Variants in ABR observed in about 807,000 individuals in gnomAD.
ABR encodes ABR activator of RhoGEF and GTPase.
Under a neutral mutation model 107.2 loss-of-function variants are expected in ABR, and 35 were observed. That is an observed-to-expected ratio of 0.33 (90% CI 0.25 to 0.43). The LOEUF is 0.43. Among genes scored for constraint, ABR ranks in the 20% least tolerant of loss-of-function variants. The pLI is 1.00. For missense variants in ABR, 815 were observed against 1,115.2 expected (o/e 0.73, Z 3.83); for synonymous variants, 498 against 462.0 (o/e 1.08, Z -1.00).
intron 16 of ABR, among the ~76,000 whole-genome samples, chr17:1,030,413 A>C (rs117941687): frequency 0.017 from 2,643 of 152,212 alleles, 44 homozygotes; most frequent in Non-Finnish European, 0.028. Flanking sequence ...TGGGGAGGGG[A>C]TGAGTCCACG....
chr17:1,097,787 A>G lies in ABR; in HGVS notation c.345+2850T>C, dbSNP rs1052411426. Among the ~76,000 whole-genome samples the G allele has an allele frequency of 6.6e-5, 10 of 152,084 alleles. 1 individual carries two copies. Among genetic ancestry groups the G allele is most frequent in the African/African-American group, 2.4e-4 (10 of 41,414 alleles). On this transcript the variant is annotated intron_variant, in intron 3 of 22. Coordinates refer to ENST00000302538, the MANE Select transcript of ABR (RefSeq NM_021962.5). Reference sequence around the variant, plus strand: ...CTGTCTGAACTCCTTTCAAATACACACCCTGTTAGTAATGACAACTATGTT... The same window carrying G: ...CTGTCTGAACTCCTTTCAAATACACGCCCTGTTAGTAATGACAACTATGTT...
At position 1,009,774 on chromosome 17, in the gene ABR, G is replaced by T; in HGVS notation, c.2247C>A (p.Asp749Glu). Residue 749 changes from aspartate (D) to glutamate (E), a missense_variant, in exon 21 of 23, where the codon GAC becomes GAA. Asp to Glu is a conservative substitution (Grantham distance 45, BLOSUM62 2). Transcript: ENST00000302538. ...TCATGCAGTTTTCCTTGGCAGCAGG[G>T]TCTGACAGGGCTGTGGGAGAGAAGG... ...PAFMEGIALS[D>E]PAAKENCMMH... The T allele has an allele frequency of 6.2e-7, 1 of 1,613,950 alleles. No individual in the cohort carries two copies. The highest frequency in any genetic ancestry group is 1.1e-5 in the South Asian group (1 of 91,086).
At position 1,148,751 on chromosome 17, in the gene ABR, C is replaced by T. The variant is rs563015003; in HGVS notation, c.62-23384G>A. Among the ~76,000 whole-genome samples, 30 of 152,316 alleles carry T rather than the reference C, an allele frequency of 2.0e-4. No individual in the cohort carries two copies. Among genetic ancestry groups the T allele is most frequent in the African/African-American group, 6.3e-4 (26 of 41,562 alleles). The stretch of plus-strand genomic sequence containing the variant: ...CCCTGGTGCGCTGGTTTCACAGATG[C>T]GGAGTCTCAGTTTAGCCAGGTGAGA... On this transcript the variant is annotated intron_variant, in intron 1 of 22. Coordinates refer to ENST00000302538, the MANE Select transcript of ABR (RefSeq NM_021962.5). The surrounding 1 kb of genome is among the most constrained non-coding windows in gnomAD (Gnocchi z 4.9).
intron 1 of ABR, among the ~76,000 whole-genome samples, chr17:1,173,478 A>C (rs2041821563): frequency 2.0e-5 from 3 of 151,474 alleles, no homozygotes; most frequent in Non-Finnish European, 4.4e-5. Flanking sequence ...CAAAGGGCTC[A>C]AGCTCAGCCA....
chr17:1,083,806 C>T lies in ABR; in HGVS notation c.532-179G>A, dbSNP rs2036420780. 6 of 591,348 alleles carry T rather than the reference C, an allele frequency of 1.0e-5. No homozygotes were observed. The East Asian group carries it at 1.5e-4, about 15-fold the overall frequency. The allele number at this position is 591,348 out of a possible 1,614,324, so 36.6% of individuals were successfully genotyped here. On this transcript the variant is annotated intron_variant, in intron 4 of 22. Coordinates refer to ENST00000302538, the MANE Select transcript of ABR (RefSeq NM_021962.5). ...TATTACAGTGTCCCTTTGAACTGGACAGTTTCCATGGAAACCAGCTCAGCC... is the reference window on the plus strand; with the variant it reads ...TATTACAGTGTCCCTTTGAACTGGATAGTTTCCATGGAAACCAGCTCAGCC...
Position 1,005,867 on chromosome 17 carries a change from G to C in ABR, c.*213C>G. ...GACACAACTAGAGGTATGGAGGGCA[G>C]GAGGTGGGATGCGGTGGTGAGGCTG... On this transcript the variant is annotated 3_prime_UTR_variant, in exon 23 of 23. Coordinates refer to ENST00000302538, the MANE Select transcript of ABR (RefSeq NM_021962.5). 1.7e-6 allele frequency: 1 copy of C among 603,776 alleles called. No homozygotes were observed. The highest frequency in any genetic ancestry group is 3.0e-6 in the Non-Finnish European group (1 of 337,126). 37.4% of individuals were successfully genotyped at this position (603,776 alleles called of 1,614,324 possible).
chr17:1,219,896 T>G (rs1327855027), intron 1 of ABR, among the ~76,000 whole-genome samples: 2 of 151,778 alleles, frequency 1.3e-5, no homozygotes, highest in Non-Finnish European at 2.9e-5. Flanking sequence ...TTCTAAAAAT[T>G]CAACGTGACA....
chr17:1,191,028 G>A (rs565776348), upstream of ABR, among the ~76,000 whole-genome samples: 8 of 152,314 alleles, frequency 5.3e-5, no homozygotes, highest in South Asian at 4.1e-4. Flanking sequence ...TGCAGATTGC[G>A]CTGGGCCATG....
chr17:1,046,912 A>C (rs2031706456), intron 16 of ABR, among the ~76,000 whole-genome samples: 1 of 152,182 alleles, frequency 6.6e-6, no homozygotes, highest in African/African-American at 2.4e-5. Flanking sequence ...GGCCTCCAGG[A>C]GCACAAGTGC....
At chr17:1,171,752 A>C (rs1047248848) in intron 1 of ABR, among the ~76,000 whole-genome samples, 3 of 152,118 alleles carry the variant, frequency 2.0e-5, no homozygotes, top group African/African-American at 7.2e-5. Context: ...ATCAACATGG[A>C]GAAATCCCTT....
At chr17:1,012,590 G>C (rs1487083900) in intron 18 of ABR, 98 bp downstream of exon 18, 3 of 873,882 alleles carry the variant, frequency 3.4e-6, no homozygotes, top group Non-Finnish European at 5.6e-6. Context: ...AACTGATTAG[G>C]TGCCAGGATG....
intron 1 of ABR, among the ~76,000 whole-genome samples, chr17:1,192,720 C>T (rs2150696442): frequency 1.3e-5 from 2 of 152,238 alleles, no homozygotes; most frequent in Admixed American, 1.3e-4. Context: ...CAAGACCAGC[C>T]TGGCCAACAT....
intron 16 of ABR, among the ~76,000 whole-genome samples, chr17:1,047,096 T>C (rs1159128319): frequency 6.6e-6 from 1 of 152,228 alleles, no homozygotes; most frequent in African/African-American, 2.4e-5. Flanking sequence ...TTTCTCTGGA[T>C]GGGCTGCTGG....
At chr17:1,199,890 GCTT>G (rs995759422) in intron 1 of ABR, among the ~76,000 whole-genome samples, 3 of 151,000 alleles carry the variant, frequency 2.0e-5, no homozygotes, top group African/African-American at 7.3e-5. Context: ...GCATTTTCCA[GCTT>G]TTTTTGTATG....
chr17:1,087,167 G>T (rs935660450), intron 4 of ABR, among the ~76,000 whole-genome samples: 3 of 152,176 alleles, frequency 2.0e-5, no homozygotes, highest in Non-Finnish European at 2.9e-5. Context: ...CAGCAAGGGG[G>T]ATACAGCTGC....
At chr17:1,188,069 G>C (rs2042349645), upstream of ABR, among the ~76,000 whole-genome samples, 1 of 151,826 alleles carries the variant, frequency 6.6e-6, no homozygotes, top group Non-Finnish European at 1.5e-5. Flanking sequence ...CACAAAATTA[G>C]CCGGACATGG....
intron 1 of ABR, among the ~76,000 whole-genome samples, chr17:1,174,905 G>T (rs1451266763): frequency 6.6e-6 from 1 of 152,162 alleles, no homozygotes; most frequent in East Asian, 1.9e-4. Flanking sequence ...GCACACGTAT[G>T]TCTTGATCCA....
chr17:1,038,237 G>A (rs2073344964), intron 16 of ABR, among the ~76,000 whole-genome samples: 3 of 152,106 alleles, frequency 2.0e-5, no homozygotes, highest in Admixed American at 6.5e-5. Flanking sequence ...CAAACCTTAG[G>A]TTCCCAGCAG....
chr17:1,007,683 G>A (rs555051822), intron 21 of ABR, among the ~76,000 whole-genome samples: 30 of 152,296 alleles, frequency 2.0e-4, no homozygotes, highest in African/African-American at 6.5e-4. Context: ...TATGATTATC[G>A]TCACCCCCAT....
Sources: allele counts gnomAD v4.1 joint callset (sites outside exome capture counted in the v4.1 genomes callset), GRCh38; gene constraint gnomAD v4.1.1; non-coding constraint Gnocchi (gnomAD v3.1); transcripts MANE v1.5; gene names NCBI Gene and HGNC (gene_info 2026-07-23, HGNC 2026-07-21).